The following BMPR1B variants were observed in gnomAD, a reference collection of about 807,000 sequenced individuals.
BMPR1B encodes bone morphogenetic protein receptor type-1B.
Under a neutral mutation model 59.1 loss-of-function variants are expected in BMPR1B, and 12 were observed. The observed-to-expected ratio is 0.20, with a 90% CI of 0.13 to 0.33. The LOEUF is 0.33. Among genes scored for constraint, BMPR1B ranks in the 10% least tolerant of loss-of-function variants. BMPR1B has a pLI of 1.00. For missense variants in BMPR1B, 550 were observed against 610.9 expected, an observed-to-expected ratio of 0.90 and a Z score of 1.05; for synonymous variants, 237 against 207.3, an observed-to-expected ratio of 1.14 and a Z score of -1.23.
At chr4:94,831,233 T>TAAAAAA (rs34088781) in intron 1 of BMPR1B, among the ~76,000 whole-genome samples, 5 of 88,530 alleles carry the variant, frequency 5.6e-5, no homozygotes, top group African/African-American at 1.4e-4. Flanking sequence ...GTTTAAAAAG[T>TAAAAAA]AAAAAAAAAA....
intron 1 of BMPR1B, among the ~76,000 whole-genome samples, chr4:94,820,224 G>C (rs1724155423): frequency 6.6e-6 from 1 of 152,134 alleles, no homozygotes; most frequent in Admixed American, 6.5e-5. Context: ...AATGTATGGA[G>C]CAGAAATTTT....
At chr4:94,971,249 G>A (rs1233279916) in intron 2 of BMPR1B, among the ~76,000 whole-genome samples, 3 of 151,974 alleles carry the variant, frequency 2.0e-5, no homozygotes, top group African/African-American at 7.3e-5. Flanking sequence ...TTTCACTTGA[G>A]TGGAAAAAAA....
At chr4:94,935,397 T>C (rs1210860469) in intron 2 of BMPR1B, among the ~76,000 whole-genome samples, 1 of 152,192 alleles carries the variant, frequency 6.6e-6, no homozygotes, top group Non-Finnish European at 1.5e-5. Context: ...CCACCAAATA[T>C]GTGTTGTGCA....
chr4:94,916,273 G>A (rs1349132779), intron 2 of BMPR1B, among the ~76,000 whole-genome samples: 1 of 152,182 alleles, frequency 6.6e-6, no homozygotes, highest in Non-Finnish European at 1.5e-5. Context: ...GAATTTGGAG[G>A]ACTCAGAAGA....
At chr4:95,061,378 A>G (rs1266762602) in intron 3 of BMPR1B, among the ~76,000 whole-genome samples, 3 of 152,278 alleles carry the variant, frequency 2.0e-5, no homozygotes, top group East Asian at 3.9e-4. Context: ...AAGCTCAGCA[A>G]TGCAGCTGTC....
At chr4:95,042,205 A>C (rs1431552665) in intron 3 of BMPR1B, among the ~76,000 whole-genome samples, 1 of 152,182 alleles carries the variant, frequency 6.6e-6, no homozygotes, top group East Asian at 1.9e-4. Flanking sequence ...GGAAAATTCT[A>C]CACCTGACAC....
intron 2 of BMPR1B, among the ~76,000 whole-genome samples, chr4:94,956,213 CTGTT>C (rs747857367): frequency 5.9e-5 from 9 of 151,760 alleles, no homozygotes; most frequent in Non-Finnish European, 7.4e-5. Flanking sequence ...TTAGGTTCAC[CTGTT>C]TGTTTCTTTT....
chr4:94,871,042 C>T (rs1209884224), intron 1 of BMPR1B, among the ~76,000 whole-genome samples: 1 of 151,908 alleles, frequency 6.6e-6, no homozygotes, highest in Non-Finnish European at 1.5e-5. Flanking sequence ...GCTTTGTGTG[C>T]ATTATGTTAT....
intron 6 of BMPR1B, among the ~76,000 whole-genome samples, chr4:95,122,826 T>A (rs1404614072): frequency 6.6e-6 from 1 of 152,182 alleles, no homozygotes; most frequent in Non-Finnish European, 1.5e-5. Context: ...TTGGAAAACG[T>A]CTTGTCCATA....
chr4:95,115,201 T>C (rs1731927811), intron 5 of BMPR1B, among the ~76,000 whole-genome samples: 1 of 152,164 alleles, frequency 6.6e-6, no homozygotes, highest in African/African-American at 2.4e-5. Context: ...CTCTGTGATC[T>C]TCTCACAATG....
intron 2 of BMPR1B, among the ~76,000 whole-genome samples, chr4:94,895,825 T>A (rs981991983): frequency 6.6e-6 from 1 of 152,008 alleles, no homozygotes; most frequent in Non-Finnish European, 1.5e-5. Flanking sequence ...ATGCTTTAGT[T>A]AATGCTAAAA....
Position 95,154,550 on chromosome 4 carries a change from T to G in BMPR1B, c.1386T>G (p.Cys462Trp). 1 of 1,614,066 alleles carries G rather than the reference T, an allele frequency of 6.2e-7. No homozygotes were observed. Among genetic ancestry groups the G allele is most frequent in the Non-Finnish European group, 8.5e-7 (1 of 1,179,954 alleles). ...SFPNRWSSDECLRQMGKLMTE... is the reference protein window; with the variant it reads ...SFPNRWSSDEWLRQMGKLMTE... Reference sequence around the variant, plus strand: ...TTTCTAACATTTCTCTTCCTCAGTGTCTAAGGCAGATGGGAAAACTCATGA... The same window carrying G: ...TTTCTAACATTTCTCTTCCTCAGTGGCTAAGGCAGATGGGAAAACTCATGA... The change falls in exon 13 of 13, where the codon TGT becomes TGG. Residue 462 changes from cysteine (C) to tryptophan (W), a missense_variant and splice_region_variant. Around this residue, in one of 6 missense-constraint regions of BMPR1B, gnomAD observed 123 missense variants for 164.6 expected, o/e 0.75. Coordinates refer to ENST00000515059, the MANE Select transcript of BMPR1B (RefSeq NM_001203.3).
At chr4:95,048,617 C>T (rs973540453) in intron 3 of BMPR1B, among the ~76,000 whole-genome samples, 2 of 152,076 alleles carry the variant, frequency 1.3e-5, no homozygotes, top group Admixed American at 1.3e-4. Flanking sequence ...AGCGTCTGTT[C>T]CTGTTGTTTG....
At chr4:95,108,505 A>G (rs1731355359) in intron 4 of BMPR1B, among the ~76,000 whole-genome samples, 1 of 152,038 alleles carries the variant, frequency 6.6e-6, no homozygotes, top group African/African-American at 2.4e-5. Context: ...AGAGAACCTG[A>G]AATCTCACAT....
intron 3 of BMPR1B, among the ~76,000 whole-genome samples, chr4:95,096,823 T>A (rs1250700211): frequency 1.4e-5 from 2 of 140,738 alleles, no homozygotes; most frequent in East Asian, 4.0e-4. Context: ...TATAAATATA[T>A]TTATATTTAT....
chr4:95,054,017 T>C (rs1358084784), intron 3 of BMPR1B, among the ~76,000 whole-genome samples: 1 of 152,142 alleles, frequency 6.6e-6, no homozygotes, highest in South Asian at 2.1e-4. Context: ...AATGATGTGT[T>C]CATGACTTTC....
intron 6 of BMPR1B, among the ~76,000 whole-genome samples, chr4:95,116,656 C>A (rs1408152711): frequency 6.6e-6 from 1 of 150,578 alleles, no homozygotes; most frequent in East Asian, 2.0e-4. Context: ...TGCTCTGTTG[C>A]CCAGGCTGGA....
At chr4:95,010,359 C>T (rs1281406168) in intron 3 of BMPR1B, among the ~76,000 whole-genome samples, 1 of 152,104 alleles carries the variant, frequency 6.6e-6, no homozygotes, top group Admixed American at 6.6e-5. Flanking sequence ...CCTTGCTCAC[C>T]CCGAAGTGAC....
chr4:95,153,601 C>G (rs868099694), intron 12 of BMPR1B, among the ~76,000 whole-genome samples: 22 of 152,308 alleles, frequency 1.4e-4, no homozygotes, highest in African/African-American at 5.3e-4. Flanking sequence ...GTAATCCCGG[C>G]ACTTTGGCAG....
Sources: gnomAD v4.1 joint callset for allele counts (sites outside exome capture counted in the v4.1 genomes callset) on GRCh38, gnomAD v4.1.1 for gene constraint, gnomAD v4.1.1 regional missense constraint, MANE v1.5 for transcripts, NCBI Gene and HGNC (gene_info 2026-07-23, HGNC 2026-07-21) for gene names.